The following FGF14 variants were observed in gnomAD, a reference collection of about 807,000 sequenced individuals.
FGF14 encodes fibroblast growth factor homologous factor 4.
Under a neutral mutation model 25.5 loss-of-function variants are expected in FGF14, and 5 were observed. The observed-to-expected ratio is 0.20, with a 90% confidence interval of 0.10 to 0.41. The LOEUF (loss-of-function observed/expected upper bound fraction) is 0.41. Ranked by LOEUF, FGF14 falls within the 10% of genes least tolerant of loss-of-function variation. The pLI is 1.00. For synonymous variants in FGF14, 138 were observed against 118.3 expected (o/e 1.17, Z -1.08); for missense variants, 222 against 320.1 (o/e 0.69, Z 2.34).
chr13:101,797,113 T>A lies in FGF14; in HGVS notation c.409-70303A>T, dbSNP rs569608380. Among the ~76,000 whole-genome samples the A allele has an allele frequency of 6.6e-5, 10 of 152,252 alleles. No homozygotes were observed. The South Asian group carries it at 2.1e-3, about 32-fold the overall frequency. On this transcript the variant is annotated intron_variant, in intron 3 of 4. Transcript: ENST00000376143. ...AAAATTAGAATTATAATACCCACCTTACAACATGAGACAGTGTGTGTGCAA... is the reference window on the plus strand; with the variant it reads ...AAAATTAGAATTATAATACCCACCTAACAACATGAGACAGTGTGTGTGCAA...
At chr13:102,254,819 A>T (rs1297143530) in intron 1 of FGF14, among the ~76,000 whole-genome samples, 3 of 152,198 alleles carry the variant, frequency 2.0e-5, no homozygotes, top group Non-Finnish European at 4.4e-5. Flanking sequence ...CCCAGTTGGG[A>T]ACCACTGACA....
intron 1 of FGF14, among the ~76,000 whole-genome samples, chr13:102,180,538 C>T (rs190593556): frequency 1.1e-3 from 169 of 152,246 alleles, no homozygotes; most frequent in African/African-American, 4.0e-3. Context: ...GTTTTGAACT[C>T]CTGACCTCCA....
intron 1 of FGF14, among the ~76,000 whole-genome samples, chr13:101,988,927 C>A (rs2038748091): frequency 6.6e-6 from 1 of 151,972 alleles, no homozygotes. Context: ...TTTTTACCCA[C>A]AGATGGAAAA....
At chr13:101,963,979 TATA>T (rs1272148518) in intron 1 of FGF14, among the ~76,000 whole-genome samples, 2 of 152,218 alleles carry the variant, frequency 1.3e-5, no homozygotes, top group Admixed American at 6.5e-5. Context: ...AATAAAAAGA[TATA>T]ATAATAAATG....
chr13:101,856,393 A>G (rs1397379318), intron 3 of FGF14, among the ~76,000 whole-genome samples: 1 of 151,974 alleles, frequency 6.6e-6, no homozygotes, highest in Non-Finnish European at 1.5e-5. Context: ...ATCTATTACT[A>G]TATACCAAGA....
chr13:102,329,838 C>T (rs143670579), intron 1 of FGF14, among the ~76,000 whole-genome samples: 112 of 152,212 alleles, frequency 7.4e-4, no homozygotes, highest in African/African-American at 2.5e-3. Context: ...GGCCCTTACG[C>T]ACCCCCACCT....
At chr13:101,793,047 T>C (rs1159354023) in intron 3 of FGF14, among the ~76,000 whole-genome samples, 8 of 152,118 alleles carry the variant, frequency 5.3e-5, no homozygotes, top group African/African-American at 1.4e-4. Context: ...CTTAGTGATA[T>C]GGAGATGTAC....
At chr13:102,336,839 G>A (rs72647485) in intron 1 of FGF14, among the ~76,000 whole-genome samples, 27,166 of 152,104 alleles carry the variant, frequency 0.18, 2,635 homozygotes, top group Non-Finnish European at 0.22. Flanking sequence ...TCTATAAATA[G>A]AACAATAAAG....
At chr13:101,845,161 T>G (rs1432071235) in intron 3 of FGF14, among the ~76,000 whole-genome samples, 3 of 152,022 alleles carry the variant, frequency 2.0e-5, no homozygotes, top group African/African-American at 7.2e-5. Flanking sequence ...GAAGCAAAAT[T>G]TCCTGAAAAA....
chr13:101,925,750 A>G (rs2034319328), intron 1 of FGF14, among the ~76,000 whole-genome samples: 1 of 152,208 alleles, frequency 6.6e-6, no homozygotes, highest in African/African-American at 2.4e-5. Flanking sequence ...GTAACAAATT[A>G]GCATAAACTT....
chr13:101,928,037 C>T (rs2034490132), intron 1 of FGF14, among the ~76,000 whole-genome samples: 2 of 152,172 alleles, frequency 1.3e-5, no homozygotes, highest in East Asian at 1.9e-4. Flanking sequence ...AAAAAATAGT[C>T]CCTCTCTAGA....
At chr13:101,827,897 G>A (rs562862482) in intron 3 of FGF14, among the ~76,000 whole-genome samples, 11 of 148,576 alleles carry the variant, frequency 7.4e-5, no homozygotes, top group African/African-American at 1.2e-4. Flanking sequence ...TAAGCAAATC[G>A]TCTTCAAATC....
intron 2 of FGF14, among the ~76,000 whole-genome samples, chr13:101,870,518 G>A (rs2044998695): frequency 1.3e-5 from 2 of 152,154 alleles, no homozygotes; most frequent in African/African-American, 2.4e-5. Flanking sequence ...TATAGGCCAG[G>A]TAGTATAATT....
chr13:101,751,375 A>G (rs894251876), intron 3 of FGF14, among the ~76,000 whole-genome samples: 2 of 152,196 alleles, frequency 1.3e-5, no homozygotes, highest in Admixed American at 6.6e-5. Flanking sequence ...TTAAAAGTTT[A>G]TTAATTGAAA....
At chr13:101,767,072 A>T (rs2038451526) in intron 3 of FGF14, among the ~76,000 whole-genome samples, 2 of 152,250 alleles carry the variant, frequency 1.3e-5, no homozygotes, top group South Asian at 2.1e-4. Context: ...ATAAAATAAG[A>T]ATAACAATAA....
chr13:102,291,146 ATGAC>A (rs571639780), intron 1 of FGF14, among the ~76,000 whole-genome samples: 125 of 152,378 alleles, frequency 8.2e-4, no homozygotes, highest in African/African-American at 2.7e-3. Flanking sequence ...GCTAAAAAGC[ATGAC>A]TGATAGAAAT....
chr13:101,916,482 C>T lies in FGF14; in HGVS notation c.164G>A (p.Gly55Asp). ...VDIFSKVRIFGLKKRRLRRQD... is the reference protein window; with the variant it reads ...VDIFSKVRIFDLKKRRLRRQD... The stretch of plus-strand genomic sequence containing the variant: ...GCGCCGCAACCTGCGCTTCTTGAGG[C>T]CGAAGATGCGCACTTTGGAGAAGAT... Residue 55 changes from glycine (G) to aspartate (D), a missense_variant, in exon 1 of 5, where the codon GGC (glycine) becomes GAC (aspartate). This residue lies in a region of FGF14 where 80 missense variants were observed against 72.2 expected (regional missense o/e 1.11). Transcript: ENST00000376143. 6.2e-7 allele frequency: 1 copy of T among 1,613,970 alleles called. No homozygotes were observed. The highest frequency in any genetic ancestry group is 8.5e-7 in the Non-Finnish European group (1 of 1,179,938).
At chr13:102,211,500 T>C (rs1422054913) in intron 1 of FGF14, among the ~76,000 whole-genome samples, 2 of 152,164 alleles carry the variant, frequency 1.3e-5, no homozygotes, top group Non-Finnish European at 2.9e-5. Flanking sequence ...AATCAGATCT[T>C]TGGTTCAATT....
intron 1 of FGF14, among the ~76,000 whole-genome samples, chr13:101,953,434 T>C (rs1029093750): frequency 2.0e-5 from 3 of 151,896 alleles, no homozygotes; most frequent in African/African-American, 4.8e-5. Context: ...AGCAAAGTGA[T>C]AGGTGGCTTC....
Sources: gnomAD v4.1 joint callset for allele counts (sites outside exome capture counted in the v4.1 genomes callset) on GRCh38, gnomAD v4.1.1 for gene constraint, gnomAD v4.1.1 regional missense constraint, MANE v1.5 for transcripts, NCBI Gene and HGNC (gene_info 2026-07-23, HGNC 2026-07-21) for gene names.